Variants in ANXA8 observed in about 807,000 individuals in gnomAD.
ANXA8 encodes the protein VAC-beta.
In ANXA8, 9 loss-of-function variants were observed where a neutral mutation model predicts 26.8. The ratio of observed to expected loss-of-function variants is 0.34; its 90% CI spans 0.20 to 0.59. ANXA8 has a LOEUF of 0.59. Ranked by LOEUF, ANXA8 falls within the 20% of genes least tolerant of loss-of-function variation. The pLI is 0.84. For synonymous variants in ANXA8, 39 were observed against 94.8 expected (o/e 0.41, Z 3.42); for missense variants, 83 against 238.5 (o/e 0.35, Z 4.29).
At chr10:47,584,667 A>C in the ANXA8 span, among the ~76,000 whole-genome samples, 1 of 88,756 alleles carries the variant, frequency 1.1e-5, no homozygotes, top group Non-Finnish European at 2.1e-5. Flanking sequence ...CCCTACATCT[A>C]TAATCAATAA....
the ANXA8 span, among the ~76,000 whole-genome samples, chr10:47,594,724 A>C: frequency 6.8e-6 from 1 of 147,966 alleles, no homozygotes. Flanking sequence ...TAAAGAAAAA[A>C]TATTTTTTAA....
chr10:47,722,531 TTGACTGGGGC>T, the ANXA8 span, among the ~76,000 whole-genome samples: 1 of 140,024 alleles, frequency 7.1e-6, no homozygotes, highest in Non-Finnish European at 1.6e-5. Context: ...ATCTGAAGGC[TTGACTGGGGC>T]TGGAGGATTC....
the ANXA8 span, among the ~76,000 whole-genome samples, chr10:47,916,605 C>T: frequency 1.6e-3 from 209 of 133,430 alleles, 14 homozygotes; most frequent in African/African-American, 5.1e-3. Context: ...GATGATCATA[C>T]CACACCAGTT....
the ANXA8 span, among the ~76,000 whole-genome samples, chr10:47,755,474 C>A: frequency 6.6e-6 from 1 of 151,116 alleles, no homozygotes; most frequent in East Asian, 1.9e-4. Context: ...CCAGGATGGT[C>A]TCGATCTCCT....
At chr10:47,975,963 G>GAAGACT in the ANXA8 span, among the ~76,000 whole-genome samples, 1 of 149,708 alleles carries the variant, frequency 6.7e-6, no homozygotes, top group Admixed American at 6.7e-5. Flanking sequence ...TGAAATAAAG[G>GAAGACT]AAGACTTGAA....
the ANXA8 span, among the ~76,000 whole-genome samples, chr10:47,947,211 CT>C: frequency 7.3e-6 from 1 of 136,394 alleles, no homozygotes; most frequent in Non-Finnish European, 1.5e-5. Flanking sequence ...CTGCTTGCCC[CT>C]GTTAGCAGGT....
chr10:47,718,455 A>C, the ANXA8 span, among the ~76,000 whole-genome samples: 1 of 119,306 alleles, frequency 8.4e-6, no homozygotes, highest in East Asian at 2.5e-4. Context: ...CCTGGACGAC[A>C]GAGTGAGACT....
At chr10:47,510,829 CAAAAAAA>C in the ANXA8 span, among the ~76,000 whole-genome samples, 1 of 27,344 alleles carries the variant, frequency 3.7e-5, no homozygotes, top group Non-Finnish European at 6.3e-5. Context: ...GACTCCGTCT[CAAAAAAA>C]AAAAAAAAAA....
At chr10:47,688,524 C>T in the ANXA8 span, among the ~76,000 whole-genome samples, 10 of 151,492 alleles carry the variant, frequency 6.6e-5, no homozygotes, top group Non-Finnish European at 1.0e-4. Context: ...TGGGTTCAAG[C>T]GCTTCTCTTG....
At chr10:47,967,933 T>C in the ANXA8 span, among the ~76,000 whole-genome samples, 6 of 134,816 alleles carry the variant, frequency 4.5e-5, no homozygotes, top group Non-Finnish European at 1.0e-4. Context: ...TTCAGCGTCA[T>C]GATCAGACTA....
At chr10:47,944,375 C>T in the ANXA8 span, among the ~76,000 whole-genome samples, 3 of 149,378 alleles carry the variant, frequency 2.0e-5, no homozygotes, top group Admixed American at 6.6e-5. Context: ...TGCTGGCTTC[C>T]GGACTCTGCT....
chr10:47,900,761 T>G, the ANXA8 span, among the ~76,000 whole-genome samples: 63,294 of 91,928 alleles, frequency 0.69, 20,336 homozygotes, highest in African/African-American at 0.79. Context: ...ATATAACCTG[T>G]AAGTTGAACC....
At chr10:47,547,121 T>C in the ANXA8 span, among the ~76,000 whole-genome samples, 604 of 114,426 alleles carry the variant, frequency 5.3e-3, 56 homozygotes, top group Non-Finnish European at 6.5e-3. Flanking sequence ...TAAGCCAGTG[T>C]CACTCCCCTA....
chr10:47,667,814 T>C, the ANXA8 span, among the ~76,000 whole-genome samples: 1 of 152,000 alleles, frequency 6.6e-6, no homozygotes, highest in Non-Finnish European at 1.5e-5. Flanking sequence ...CTCGGTTCAC[T>C]GTAACCTCCG....
chr10:47,572,586 G>A, the ANXA8 span, among the ~76,000 whole-genome samples: 2 of 150,518 alleles, frequency 1.3e-5, no homozygotes, highest in African/African-American at 2.5e-5. Context: ...GCGTGGTGGC[G>A]GGCACCTGTA....
chr10:47,883,505 A>G, the ANXA8 span, among the ~76,000 whole-genome samples: 20 of 5,280 alleles, frequency 3.8e-3, 1 homozygote, highest in African/African-American at 0.024. Context: ...GCTCACTGCA[A>G]CCTCTGCCTC....
chr10:47,562,089 C>T, the ANXA8 span, among the ~76,000 whole-genome samples: 2 of 151,802 alleles, frequency 1.3e-5, no homozygotes, highest in Admixed American at 6.6e-5. Flanking sequence ...TAGTTGTAAG[C>T]ACATACTCCT....
the ANXA8 span, among the ~76,000 whole-genome samples, chr10:47,668,726 C>T: frequency 6.6e-6 from 1 of 150,710 alleles, no homozygotes; most frequent in Admixed American, 6.6e-5. Flanking sequence ...TTTTGTTTTC[C>T]TTTGTTTTCT....
At chr10:47,535,217 G>A in the ANXA8 span, among the ~76,000 whole-genome samples, 2,422 of 130,154 alleles carry the variant, frequency 0.019, 354 homozygotes, top group African/African-American at 0.077. Flanking sequence ...CAGGTGATCC[G>A]CCCACCTCGG....
Sources: allele counts gnomAD v4.1 joint callset (sites outside exome capture counted in the v4.1 genomes callset), GRCh38; gene constraint gnomAD v4.1.1; transcripts MANE v1.5; gene names NCBI Gene and HGNC (gene_info 2026-07-23, HGNC 2026-07-21).